Variants in PTPRT observed in about 807,000 individuals in gnomAD.
PTPRT encodes receptor-type tyrosine-protein phosphatase T.
A neutral mutation model predicts 176.8 loss-of-function variants in PTPRT; 56 were observed. That is an observed-to-expected ratio of 0.32 (90% CI 0.26 to 0.40). PTPRT has a LOEUF of 0.40. PTPRT is among the 10% of genes least tolerant of loss of function. The probability of loss-of-function intolerance (pLI) is 1.00; values close to 1 mark genes in which losing one functional copy is unlikely to be tolerated. For synonymous variants in PTPRT, 783 were observed against 739.0 expected, an observed-to-expected ratio of 1.06 and a Z score of -0.96; for missense variants, 1,540 against 1,908.2, an observed-to-expected ratio of 0.81 and a Z score of 3.60.
intron 1 of PTPRT, among the ~76,000 whole-genome samples, chr20:43,084,235 G>T (rs1019972570): frequency 6.6e-6 from 1 of 152,168 alleles, no homozygotes; most frequent in Admixed American, 6.5e-5. Flanking sequence ...CCAGCCCTGT[G>T]TGAGGGTTCC....
In PTPRT at chr20:42,102,015, G is replaced by T. The variant is rs189951973; in HGVS notation, c.3714+109C>A. Reference sequence around the variant, plus strand: ...CTTGGGACTAGTAGATCAGAAGCAGGGGGGGCTGGCTGGTGGGGTCAGGGC... The same window carrying T: ...CTTGGGACTAGTAGATCAGAAGCAGTGGGGGCTGGCTGGTGGGGTCAGGGC... On this transcript the variant is annotated intron_variant, in intron 26 of 30. Coordinates refer to ENST00000373187, the MANE Select transcript of PTPRT (RefSeq NM_007050.6). The T allele has an allele frequency of 2.6e-5, 35 of 1,322,590 alleles. No homozygotes were observed. In the Admixed American group the frequency reaches 3.3e-4, roughly 12 times the overall value. The allele number at this position is 1,322,590 out of a possible 1,614,324, so 81.9% of individuals were successfully genotyped here. A position where few individuals can be genotyped will look rare whatever the true frequency, so the allele number is the denominator to read the frequency against.
At position 42,645,082 on chromosome 20, in the gene PTPRT, T is replaced by C. The variant is rs140943934; in HGVS notation, c.1153+32784A>G. 3.4e-3 allele frequency among the ~76,000 whole-genome samples: 516 copies of C among 152,266 alleles called. 7 individuals are homozygous for C. The highest frequency in any genetic ancestry group is 0.012 in the African/African-American group (490 of 41,536). ...ACAGTGCAATTTGTCACGCAGTCTA[T>C]GGCACTGTAGAATTTGGCTATAGAT... On this transcript the variant is annotated intron_variant, in intron 7 of 30. Coordinates refer to ENST00000373187, the MANE Select transcript of PTPRT (RefSeq NM_007050.6).
chr20:42,583,878 T>G (rs1366467736), intron 7 of PTPRT, among the ~76,000 whole-genome samples: 1 of 152,188 alleles, frequency 6.6e-6, no homozygotes, highest in African/African-American at 2.4e-5. Context: ...TCTCTCTTAC[T>G]CCATGTGGTA....
rs1036766055 is a variant in PTPRT at position 42,124,293 on chromosome 20, G to C, written c.2848-4322C>G. Among the ~76,000 whole-genome samples the C allele has an allele frequency of 3.9e-5, 6 of 152,350 alleles. No homozygotes were observed. In the East Asian group the frequency reaches 7.7e-4, roughly 20 times the overall value. Reference sequence around the variant, plus strand: ...CAGATTGACTGCAAACCAGCACTGGGCCTGCCTCCATCTGTCTGTGAGCAA... The same window carrying C: ...CAGATTGACTGCAAACCAGCACTGGCCCTGCCTCCATCTGTCTGTGAGCAA... On this transcript the variant is annotated intron_variant, in intron 19 of 30. Coordinates refer to ENST00000373187, the MANE Select transcript of PTPRT (RefSeq NM_007050.6).
intron 11 of PTPRT, among the ~76,000 whole-genome samples, chr20:42,326,558 C>G (rs561214158): frequency 6.6e-6 from 1 of 152,178 alleles, no homozygotes; most frequent in East Asian, 1.9e-4. Context: ...AATGAAAAAG[C>G]CTTTTAGAAT....
chr20:42,682,874 A>T (rs376704472), intron 6 of PTPRT, among the ~76,000 whole-genome samples: 2 of 152,316 alleles, frequency 1.3e-5, no homozygotes, highest in African/African-American at 4.8e-5. Context: ...CACTTGTAAC[A>T]GTTTGACTCC....
Position 42,079,069 on chromosome 20 carries a change from G to C in PTPRT, c.*1810C>G. The stretch of plus-strand genomic sequence containing the variant: ...CCTAGGTCCCAGCCCACCTGAGGCT[G>C]TCAGATATTGGGCCTAAGCACTGGC... On this transcript the variant is annotated 3_prime_UTR_variant, in exon 31 of 31. Transcript: ENST00000373187. The C allele has an allele frequency of 5.5e-6, 1 of 182,532 alleles. No individual in the cohort carries two copies. Among genetic ancestry groups the C allele is most frequent in the Non-Finnish European group, 1.2e-5 (1 of 85,770 alleles). 11.3% of individuals were successfully genotyped at this position (182,532 alleles called of 1,614,324 possible). A position where few individuals can be genotyped will look rare whatever the true frequency, so the allele number is the denominator to read the frequency against.
intron 27 of PTPRT, among the ~76,000 whole-genome samples, chr20:42,097,159 T>A (rs6102674): frequency 0.024 from 3,611 of 152,262 alleles, 137 homozygotes; most frequent in African/African-American, 0.083. Context: ...ATTCTGTCGC[T>A]TACAAAGTAG....
At chr20:42,085,938 CTTTT>C (rs956337648) in intron 27 of PTPRT, 85 bp from the exon 28 acceptor site, 2 of 1,391,670 alleles carry the variant, frequency 1.4e-6, no homozygotes, top group African/African-American at 3.0e-5. Context: ...CTTTTCTTTT[CTTTT>C]TTTCTTTTTC....
chr20:42,886,757 G>C (rs2079109471), intron 1 of PTPRT, among the ~76,000 whole-genome samples: 2 of 152,254 alleles, frequency 1.3e-5, no homozygotes, highest in South Asian at 2.1e-4. Flanking sequence ...GACATTGAGA[G>C]AGATGTGGGG....
At chr20:42,050,269 G>A in the PTPRT span, among the ~76,000 whole-genome samples, 1 of 152,056 alleles carries the variant, frequency 6.6e-6, no homozygotes, top group African/African-American at 2.4e-5. Flanking sequence ...CTTGTCTGAG[G>A]CGTTTGGTCT....
At chr20:42,686,231 C>T (rs1161711255) in intron 6 of PTPRT, 1 of 152,216 alleles carries the variant, frequency 6.6e-6, no homozygotes, top group African/African-American at 2.4e-5. Context: ...GTCAATACCG[C>T]CTGCTCTGTG....
intron 1 of PTPRT, among the ~76,000 whole-genome samples, chr20:42,955,941 C>T (rs1023462661): frequency 2.6e-5 from 4 of 152,122 alleles, no homozygotes; most frequent in Non-Finnish European, 4.4e-5. Flanking sequence ...TAAACATCAC[C>T]GCTTGCTTGG....
chr20:42,510,817 A>G (rs987796632), intron 7 of PTPRT, among the ~76,000 whole-genome samples: 1 of 152,214 alleles, frequency 6.6e-6, no homozygotes, highest in Non-Finnish European at 1.5e-5. Flanking sequence ...ATAAAAATTT[A>G]AAATGTAAAA....
intron 1 of PTPRT, among the ~76,000 whole-genome samples, chr20:43,062,041 T>C (rs1299767017): frequency 6.6e-6 from 1 of 152,146 alleles, no homozygotes; most frequent in African/African-American, 2.4e-5. Flanking sequence ...AAAAGATCAA[T>C]CTAATCTATA....
At chr20:42,130,876 A>G (rs545594055) in intron 18 of PTPRT, among the ~76,000 whole-genome samples, 11 of 152,296 alleles carry the variant, frequency 7.2e-5, no homozygotes, top group Non-Finnish European at 1.5e-4. Context: ...ATGGTAGGTA[A>G]GAGAAACTTT....
intron 7 of PTPRT, among the ~76,000 whole-genome samples, chr20:42,664,560 TA>T (rs377083958): frequency 1.2e-3 from 187 of 152,356 alleles, no homozygotes; most frequent in African/African-American, 4.4e-3. Context: ...CAATAAATTC[TA>T]TTTTTTACAA....
At position 42,335,319 on chromosome 20, in the gene PTPRT, C is replaced by T. The variant is rs59329922; in HGVS notation, c.1865+15309G>A. Among the ~76,000 whole-genome samples the T allele has an allele frequency of 4.2e-3, 641 of 152,234 alleles. 3 individuals are homozygous for T. The highest frequency in any genetic ancestry group is 0.014 in the African/African-American group (591 of 41,526). On this transcript the variant is annotated intron_variant, in intron 11 of 30. Transcript: ENST00000373187. ...TTTCATTTCAGAATTTGAATGCCTC[C>T]GCCTCCAAAAGCACAGCACCTCCAG...
chr20:42,768,488 G>A (rs1285881266), intron 5 of PTPRT, among the ~76,000 whole-genome samples: 1 of 152,188 alleles, frequency 6.6e-6, no homozygotes, highest in Non-Finnish European at 1.5e-5. Flanking sequence ...TGGCTTCTGT[G>A]TGAACAACAG....
Sources: allele counts gnomAD v4.1 joint callset (sites outside exome capture counted in the v4.1 genomes callset), GRCh38; gene constraint gnomAD v4.1.1; transcripts MANE v1.5; gene names NCBI Gene and HGNC (gene_info 2026-07-23, HGNC 2026-07-21).